CYTH4: variants seen among roughly 807,000 people sequenced by gnomAD.
The protein encoded by CYTH4 is cytohesin-4.
A neutral mutation model predicts 57.5 loss-of-function variants in CYTH4; 22 were observed. That is an observed-to-expected ratio of 0.38 (90% CI 0.27 to 0.55). The LOEUF (loss-of-function observed/expected upper bound fraction) is 0.55, where lower values mean the gene tolerates loss of function less well. Ranked by LOEUF, CYTH4 falls within the 20% of genes least tolerant of loss-of-function variation. CYTH4 has a pLI of 0.74. For synonymous variants in CYTH4, 186 were observed against 206.5 expected (o/e 0.90, Z 0.85); for missense variants, 420 against 535.6 (o/e 0.78, Z 2.13).
chr22:37,299,941 A>G (rs1175885829), intron 6 of CYTH4: 3 of 655,362 alleles, frequency 4.6e-6, no homozygotes, highest in African/African-American at 3.6e-5. Context: ...TAGTGAGACA[A>G]GATCACACCA....
In CYTH4 at chr22:37,295,941, G is replaced by C; in HGVS notation, c.168-58G>C. The C allele has an allele frequency of 6.4e-7, 1 of 1,558,562 alleles. No homozygotes were observed. The highest frequency in any genetic ancestry group is 1.4e-5 in the African/African-American group (1 of 73,602). On this transcript the variant is annotated intron_variant, in intron 3 of 12. Coordinates refer to ENST00000248901, the MANE Select transcript of CYTH4 (RefSeq NM_013385.5). The surrounding 1 kb of genome is among the most constrained non-coding windows in gnomAD (Gnocchi z 4.1). The stretch of plus-strand genomic sequence containing the variant: ...CTGCTGAGGCAAGGGTCCTTGGGGA[G>C]TGGAGAGGGTAATTCAGGGTCCTGG...
intron 1 of CYTH4, among the ~76,000 whole-genome samples, chr22:37,290,391 T>C (rs1601697565): frequency 6.6e-6 from 1 of 152,210 alleles, no homozygotes; most frequent in East Asian, 1.9e-4. Flanking sequence ...CTTGCCACAA[T>C]GTTGCAGGAC....
intron 6 of CYTH4, chr22:37,300,040 A>C (rs1304449715): frequency 1.4e-6 from 1 of 717,112 alleles, no homozygotes; most frequent in Admixed American, 2.0e-5. Context: ...CATCCGTAGA[A>C]TGGGGATAAT....
chr22:37,289,425 T>C (rs989060475), intron 1 of CYTH4, among the ~76,000 whole-genome samples: 2 of 152,236 alleles, frequency 1.3e-5, no homozygotes, highest in African/African-American at 4.8e-5. Context: ...TGAGCAGGAC[T>C]GTAGTTCAGT....
rs1451015299 is a variant in CYTH4 at position 37,314,687 on chromosome 22, AGGCCT to A, written c.*1184_*1188del. ...CGGGCAGCCAGCTCTGTCTCCAGGG[AGGCCT>A]GGCCTGGAGGAGGAGTCCACTAACA... On this transcript the variant is annotated 3_prime_UTR_variant, in exon 13 of 13. Transcript: ENST00000248901. The A allele has an allele frequency of 2.8e-6, 1 of 353,928 alleles. No homozygotes were observed. The highest frequency in any genetic ancestry group is 5.0e-6 in the Non-Finnish European group (1 of 198,304). The allele number at this position is 353,928 out of a possible 1,614,324, so 21.9% of individuals were successfully genotyped here.
intron 2 of CYTH4, among the ~76,000 whole-genome samples, chr22:37,294,357 G>A (rs1928869130): frequency 6.6e-6 from 1 of 151,980 alleles, no homozygotes; most frequent in African/African-American, 2.4e-5. Context: ...AGGAGAGATG[G>A]GAAGGTTGGA....
Position 37,301,017 on chromosome 22 carries a change from C to T in CYTH4, c.545C>T (p.Thr182Ile). 6.2e-7 allele frequency: 1 copy of T among 1,613,596 alleles called. No homozygotes were observed. Among genetic ancestry groups the T allele is most frequent in the African/African-American group, 1.3e-5 (1 of 75,044 alleles). ...TGCAACCCAGGCGTCTTCCAGTCCA[C>T]AGGTGCCAGGAGGGGAGTGGGACCC... Reference protein sequence around the residue: ...CLCNPGVFQSTDTCYVLSFSI... With the variant: ...CLCNPGVFQSIDTCYVLSFSI... The change falls in exon 7 of 13, where the codon ACA becomes ATA. Residue 182 changes from threonine to isoleucine, a missense_variant and splice_region_variant. Physicochemically the swap from Thr to Ile is moderately conservative, Grantham distance 89 (BLOSUM62 -1). Coordinates refer to ENST00000248901, the MANE Select transcript of CYTH4 (RefSeq NM_013385.5).
chr22:37,295,488 C>G lies in CYTH4; in HGVS notation c.168-511C>G, dbSNP rs1016887471. Reference sequence around the variant, plus strand: ...TGGCCGTTTCTCCAGCTCCCCTGTTCCAGCCACAACAATGACAACATAACA... The same window carrying G: ...TGGCCGTTTCTCCAGCTCCCCTGTTGCAGCCACAACAATGACAACATAACA... On this transcript the variant is annotated intron_variant, in intron 3 of 12. Coordinates refer to ENST00000248901, the MANE Select transcript of CYTH4 (RefSeq NM_013385.5). This position sits in a 1 kb window ranked among gnomAD's most constrained non-coding sequence, Gnocchi z 4.1. Among the ~76,000 whole-genome samples the G allele has an allele frequency of 6.6e-6, 1 of 152,138 alleles. No homozygotes were observed. Among genetic ancestry groups the G allele is most frequent in the African/African-American group, 2.4e-5 (1 of 41,406 alleles).
intron 1 of CYTH4, among the ~76,000 whole-genome samples, chr22:37,283,528 G>T (rs1222464089): frequency 6.6e-6 from 1 of 152,126 alleles, no homozygotes; most frequent in Admixed American, 6.5e-5. Context: ...CTAATGTGGA[G>T]CAGCCTGGCC....
intron 1 of CYTH4, among the ~76,000 whole-genome samples, chr22:37,286,447 G>A (rs983384716): frequency 6.6e-6 from 1 of 152,262 alleles, no homozygotes; most frequent in Admixed American, 6.5e-5. Flanking sequence ...GATCACACAG[G>A]GCCTGGCGCA....
rs540870911 is a variant in CYTH4 at position 37,296,173 on chromosome 22, G to A, written c.234+108G>A. On this transcript the variant is annotated intron_variant, in intron 4 of 12. Coordinates refer to ENST00000248901, the MANE Select transcript of CYTH4 (RefSeq NM_013385.5). ...CTGACACGACCCCTTTCCAGAGGAGGAAGCTGTGCCCAGCAGAGCTGAGCA... is the reference window on the plus strand; with the variant it reads ...CTGACACGACCCCTTTCCAGAGGAGAAAGCTGTGCCCAGCAGAGCTGAGCA... 4.2e-5 allele frequency: 50 copies of A among 1,190,758 alleles called. No individual in the cohort carries two copies. The African/African-American group carries it at 6.9e-4, about 16-fold the overall frequency. 73.8% of individuals were successfully genotyped at this position (1,190,758 alleles called of 1,614,324 possible). A position where few individuals can be genotyped will look rare whatever the true frequency, so the allele number is the denominator to read the frequency against.
intron 1 of CYTH4, among the ~76,000 whole-genome samples, chr22:37,291,079 T>C (rs149385131): frequency 3.9e-5 from 6 of 152,354 alleles, no homozygotes; most frequent in African/African-American, 1.4e-4. Context: ...ACAGCTGCCC[T>C]GTGAGGCAAG....
At chr22:37,289,281 T>C (rs1928662278) in intron 1 of CYTH4, among the ~76,000 whole-genome samples, 1 of 152,230 alleles carries the variant, frequency 6.6e-6, no homozygotes, top group Non-Finnish European at 1.5e-5. Context: ...CATTCACCAC[T>C]GCCCATGATG....
At chr22:37,302,768 A>C (rs903238241) in intron 7 of CYTH4, among the ~76,000 whole-genome samples, 4 of 152,182 alleles carry the variant, frequency 2.6e-5, no homozygotes, top group African/African-American at 7.2e-5. Context: ...AGTGCTTGAA[A>C]GTCTGAATAA....
At chr22:37,300,134 A>T (rs1299940732) in intron 6 of CYTH4, 1 of 717,500 alleles carries the variant, frequency 1.4e-6, no homozygotes, top group Non-Finnish European at 2.6e-6. Flanking sequence ...GTAAGTCTTG[A>T]TGCTGCTTGA....
At chr22:37,304,244 G>C in intron 8 of CYTH4, 1 of 456,744 alleles carries the variant, frequency 2.2e-6, no homozygotes, top group African/African-American at 2.0e-5. Context: ...CAGAACGGAG[G>C]CGTGTCCTGA....
rs752640973 is a variant in CYTH4, at chr22:37,296,060, G to T, written c.229G>T (p.Ala77Ser). 22 of 1,612,364 alleles carry T rather than the reference G, an allele frequency of 1.4e-5. No homozygotes were observed. The South Asian group carries it at 2.3e-4, about 17-fold the overall frequency. Reference sequence around the variant, plus strand: ...GCGCAAGAAGTTCAACATGGACCCCGCCAAGGTAGGTGGCTGTGGAGGGCC... The same window carrying T: ...GCGCAAGAAGTTCAACATGGACCCCTCCAAGGTAGGTGGCTGTGGAGGGCC... ...IGRKKFNMDP[A>S]KGIQYFIEHK... Residue 77 changes from alanine (A) to serine (S), a missense_variant, in exon 4 of 13, where the codon GCC becomes TCC. By Grantham distance (99) the Ala-to-Ser change is moderately conservative. Transcript: ENST00000248901.
At chr22:37,306,882 C>T (rs1268439421) in intron 8 of CYTH4, among the ~76,000 whole-genome samples, 2 of 152,248 alleles carry the variant, frequency 1.3e-5, no homozygotes, top group Non-Finnish European at 2.9e-5. Context: ...TGGCTTGGGC[C>T]TGAACTGAAC....
At position 37,314,469 on chromosome 22, in the gene CYTH4, G is replaced by A; in HGVS notation, c.*958G>A. The A allele has an allele frequency of 5.0e-6, 2 of 398,824 alleles. No homozygotes were observed. Among genetic ancestry groups the A allele is most frequent in the Non-Finnish European group, 8.8e-6 (2 of 226,206 alleles). The allele number at this position is 398,824 out of a possible 1,614,324, so 24.7% of individuals were successfully genotyped here. ...GTTTCGTGCACTGTGGTTAACAGGA[G>A]GGCTGCCTGGAGGCAGTGGCTGAGC... is the stretch of plus-strand genomic sequence containing the variant. On this transcript the variant is annotated 3_prime_UTR_variant, in exon 13 of 13. Coordinates refer to ENST00000248901, the MANE Select transcript of CYTH4 (RefSeq NM_013385.5).
Sources: allele counts gnomAD v4.1 joint callset (sites outside exome capture counted in the v4.1 genomes callset), GRCh38; gene constraint gnomAD v4.1.1; non-coding constraint Gnocchi (gnomAD v3.1); transcripts MANE v1.5; gene names NCBI Gene and HGNC (gene_info 2026-07-23, HGNC 2026-07-21).